The following MS4A6E variants were observed in gnomAD, a reference collection of about 807,000 sequenced individuals.
MS4A6E encodes the protein membrane spanning 4-domains A6E.
Under a neutral mutation model 13.2 loss-of-function variants are expected in MS4A6E, and 8 were observed. That is an observed-to-expected ratio of 0.60 (90% confidence interval 0.35 to 1.09). The LOEUF is 1.09. MS4A6E is among the 50% of genes least tolerant of loss of function. The pLI, the probability that MS4A6E is intolerant of heterozygous loss-of-function variation, is 0.02. For synonymous variants in MS4A6E, 72 were observed against 67.6 expected, an observed-to-expected ratio of 1.06 and a Z score of -0.32; for missense variants, 177 against 171.1, an observed-to-expected ratio of 1.03 and a Z score of -0.19.
chr11:60,330,380 T>C (rs12806702), intron 1 of MS4A6E, among the ~76,000 whole-genome samples: 40,838 of 126,180 alleles, frequency 0.32, 7,650 homozygotes, highest in Admixed American at 0.34. Flanking sequence ...CTCACTCTTT[T>C]GCCCAGGCTG....
chr11:60,338,498 T>A (rs181145472), intron 3 of MS4A6E: 6 of 152,820 alleles, frequency 3.9e-5, no homozygotes, highest in African/African-American at 1.2e-4. Context: ...TTATTATTGC[T>A]TTTTGTTATA....
chr11:60,339,934 G>T lies in MS4A6E; in HGVS notation c.423G>T (p.Leu141=). ...GCCTAGCTGTGCTCACTGCTGTGCTGCAGTGGAAACAGACTGTCTGACTTC... is the reference window on the plus strand; with the variant it reads ...GCCTAGCTGTGCTCACTGCTGTGCTTCAGTGGAAACAGACTGTCTGACTTC... ...EFCLAVLTAV[L]QWKQTV Residue 141 remains leucine, a synonymous_variant, in exon 4 of 5, where the codon CTG becomes CTT. Coordinates refer to ENST00000684409, the MANE Select transcript of MS4A6E (RefSeq NM_139249.4). The T allele has an allele frequency of 6.2e-7, 1 of 1,613,774 alleles. No individual in the cohort carries two copies. The highest frequency in any genetic ancestry group is 8.5e-7 in the Non-Finnish European group (1 of 1,179,760).
At chr11:60,341,451 A>G (rs2085225284), downstream of MS4A6E, among the ~76,000 whole-genome samples, 1 of 152,152 alleles carries the variant, frequency 6.6e-6, no homozygotes, top group Non-Finnish European at 1.5e-5. Context: ...TTCAAACAAA[A>G]CTAACGAGTG....
At chr11:60,331,812 G>A (rs895870907) in intron 1 of MS4A6E, among the ~76,000 whole-genome samples, 2 of 152,152 alleles carry the variant, frequency 1.3e-5, no homozygotes, top group Non-Finnish European at 2.9e-5. Flanking sequence ...GGTAACAAAG[G>A]TGGAGTCCTC....
intron 2 of MS4A6E, among the ~76,000 whole-genome samples, chr11:60,336,059 A>C (rs535158370): frequency 6.6e-6 from 1 of 152,194 alleles, no homozygotes; most frequent in Non-Finnish European, 1.5e-5. Flanking sequence ...GCCAGCAAGG[A>C]AGTCAGAGAG....
chr11:60,343,125 T>TTTGA (rs3042507), downstream of MS4A6E, among the ~76,000 whole-genome samples: 47,374 of 151,684 alleles, frequency 0.31, 7,984 homozygotes, highest in African/African-American at 0.46. Context: ...CCATTTAAAG[T>TTTGA]TTGCTTCTAG....
In MS4A6E at chr11:60,337,771, A is replaced by G. The variant is rs2085197703; in HGVS notation, c.178A>G (p.Ser60Gly). ...VHSSLAGSIL[S>G]ALSALVGFIL... ...TAGCAGCCTGGCTGGAAGCATTCTG[A>G]GTGCTCTGTCTGCCCTGGTGGGTTT... Residue 60 changes from serine to glycine, a missense_variant, in exon 3 of 5, where the codon AGT (serine) becomes GGT (glycine). Coordinates refer to ENST00000684409, the MANE Select transcript of MS4A6E (RefSeq NM_139249.4). 1 of 1,614,202 alleles carries G rather than the reference A, an allele frequency of 6.2e-7. No individual in the cohort carries two copies. Among genetic ancestry groups the G allele is most frequent in the Non-Finnish European group, 8.5e-7 (1 of 1,180,036 alleles).
At chr11:60,345,668 C>CT (rs899127367), downstream of MS4A6E, among the ~76,000 whole-genome samples, 51 of 152,218 alleles carry the variant, frequency 3.4e-4, no homozygotes, top group African/African-American at 1.2e-3. Context: ...GTGGAAATCT[C>CT]TAACAACAGA....
chr11:60,344,832 T>G (rs1292656428), downstream of MS4A6E, among the ~76,000 whole-genome samples: 1 of 152,248 alleles, frequency 6.6e-6, no homozygotes, highest in Non-Finnish European at 1.5e-5. Context: ...CCTTACAGTG[T>G]AGCACTGTTA....
At chr11:60,333,238 A>G (rs1392657589) in intron 1 of MS4A6E, among the ~76,000 whole-genome samples, 1 of 130,470 alleles carries the variant, frequency 7.7e-6, no homozygotes, top group Non-Finnish European at 1.7e-5. Flanking sequence ...TTGCAAACAC[A>G]TGAATTTTTT....
intron 2 of MS4A6E, 147 bp from the exon 3 acceptor site, chr11:60,337,594 A>G (rs1305792475): frequency 4.4e-6 from 4 of 910,492 alleles, no homozygotes; most frequent in Non-Finnish European, 6.6e-6. Flanking sequence ...TTGGCTGGAC[A>G]CTGGAGAGGC....
At chr11:60,342,017 CAG>C (rs1397133216), downstream of MS4A6E, among the ~76,000 whole-genome samples, 3 of 152,116 alleles carry the variant, frequency 2.0e-5, no homozygotes, top group Non-Finnish European at 2.9e-5. Flanking sequence ...ATAAGGAAAA[CAG>C]AGATGACAAT....
chr11:60,346,321 C>T (rs1040230268), downstream of MS4A6E, among the ~76,000 whole-genome samples: 17 of 152,204 alleles, frequency 1.1e-4, no homozygotes, highest in African/African-American at 4.1e-4. Context: ...CTGTCCTTCT[C>T]TTGTGTTTCC....
chr11:60,338,220 G>A (rs2085201604), intron 3 of MS4A6E, among the ~76,000 whole-genome samples: 2 of 152,162 alleles, frequency 1.3e-5, no homozygotes, highest in South Asian at 4.1e-4. Context: ...ATCTAATTTT[G>A]GAGGCATAAA....
intron 3 of MS4A6E, among the ~76,000 whole-genome samples, chr11:60,338,152 A>G (rs1403482750): frequency 6.6e-6 from 1 of 152,230 alleles, no homozygotes; most frequent in East Asian, 1.9e-4. Context: ...ATGTCAGATA[A>G]GGTTGATGAT....
At chr11:60,346,666 T>A (rs996750412) in intron 4 of MS4A6E, among the ~76,000 whole-genome samples, 5 of 152,304 alleles carry the variant, frequency 3.3e-5, no homozygotes, top group Non-Finnish European at 7.4e-5. Context: ...TTAAAAGTGT[T>A]TCCTTTACCA....
Position 60,336,854 on chromosome 11 carries a change from T to C in MS4A6E, c.148-887T>C, listed in dbSNP as rs111339427. Among the ~76,000 whole-genome samples, 378 of 152,174 alleles carry C rather than the reference T, an allele frequency of 2.5e-3. 4 individuals carry two copies. The highest frequency in any genetic ancestry group is 8.8e-3 in the African/African-American group (366 of 41,508). On this transcript the variant is annotated intron_variant, in intron 2 of 4. Coordinates refer to ENST00000684409, the MANE Select transcript of MS4A6E (RefSeq NM_139249.4). ...AGCTCAGTTCTCTTTTCTGTGTGAG[T>C]TGGAGTAAAGGAAGTCACTTCTGAG... is the stretch of plus-strand genomic sequence containing the variant.
chr11:60,337,723 C>T lies in MS4A6E; in HGVS notation c.148-18C>T. 6.2e-7 allele frequency: 1 copy of T among 1,613,846 alleles called. No individual in the cohort carries two copies. On this transcript the variant is annotated intron_variant, in intron 2 of 4. Transcript: ENST00000684409. The stretch of plus-strand genomic sequence containing the variant: ...GTGGCCCTTTGGGAATGATTCTTAC[C>T]CAGCATGTCTCTTTCAGGTGCATAG...
chr11:60,340,208 AT>A (rs1426916020), intron 4 of MS4A6E, among the ~76,000 whole-genome samples: 1 of 152,174 alleles, frequency 6.6e-6, no homozygotes, highest in Non-Finnish European at 1.5e-5. Context: ...CAATCTTCCC[AT>A]TTTGTCATTG....
Sources: allele counts gnomAD v4.1 joint callset (sites outside exome capture counted in the v4.1 genomes callset), GRCh38; gene constraint gnomAD v4.1.1; transcripts MANE v1.5; gene names NCBI Gene and HGNC (gene_info 2026-07-23, HGNC 2026-07-21).